GPC6: variants seen among roughly 807,000 people sequenced by gnomAD.
The protein encoded by GPC6 is glypican 6, also known as glypican-6.
GPC6 carries 14 observed loss-of-function variants against 55.2 expected under a neutral mutation model. The observed-to-expected ratio is 0.25, with a 90% CI of 0.17 to 0.40. The LOEUF (loss-of-function observed/expected upper bound fraction) is 0.40. GPC6 is among the 10% of genes least tolerant of loss of function. GPC6 has a pLI of 1.00. For missense variants in GPC6, 641 were observed against 708.5 expected, an observed-to-expected ratio of 0.90 and a Z score of 1.08; for synonymous variants, 278 against 259.6, an observed-to-expected ratio of 1.07 and a Z score of -0.68.
intron 2 of GPC6, among the ~76,000 whole-genome samples, chr13:93,545,754 G>A (rs553082597): frequency 3.3e-5 from 5 of 151,964 alleles, no homozygotes; most frequent in Non-Finnish European, 7.4e-5. Flanking sequence ...TTTCATATGG[G>A]GATTCTCCTT....
intron 3 of GPC6, among the ~76,000 whole-genome samples, chr13:93,841,973 A>G (rs948467367): frequency 2.0e-5 from 3 of 152,212 alleles, no homozygotes; most frequent in Non-Finnish European, 4.4e-5. Flanking sequence ...TTTTTATAGT[A>G]GGTACAAATA....
chr13:93,634,308 G>A (rs112386735), intron 2 of GPC6, among the ~76,000 whole-genome samples: 2 of 152,060 alleles, frequency 1.3e-5, no homozygotes, highest in African/African-American at 4.8e-5. Context: ...TTATGCATTC[G>A]ACCACCTCCT....
intron 3 of GPC6, among the ~76,000 whole-genome samples, chr13:93,969,636 A>T (rs1186885469): frequency 6.6e-6 from 1 of 152,156 alleles, no homozygotes; most frequent in African/African-American, 2.4e-5. Context: ...AGATATACAT[A>T]TAAAATATAC....
intron 2 of GPC6, among the ~76,000 whole-genome samples, chr13:93,814,072 A>G (rs556202508): frequency 5.9e-5 from 9 of 152,266 alleles, no homozygotes; most frequent in African/African-American, 1.9e-4. Flanking sequence ...ATTAGGAGGT[A>G]TCTGCAGGCT....
chr13:94,079,688 A>C (rs557508297), intron 4 of GPC6, among the ~76,000 whole-genome samples: 1 of 152,332 alleles, frequency 6.6e-6, no homozygotes, highest in South Asian at 2.1e-4. Context: ...CATTTCAAAA[A>C]TTGTGAATAA....
At chr13:93,840,742 C>T (rs887503375) in intron 3 of GPC6, among the ~76,000 whole-genome samples, 10 of 152,044 alleles carry the variant, frequency 6.6e-5, no homozygotes, top group Non-Finnish European at 1.5e-4. Context: ...TTCCCTGGGA[C>T]CGTGGAAAAT....
chr13:93,498,398 C>G (rs1880390141), intron 1 of GPC6, among the ~76,000 whole-genome samples: 1 of 152,182 alleles, frequency 6.6e-6, no homozygotes, highest in Non-Finnish European at 1.5e-5. Context: ...CTACAAACAC[C>G]TGAGGATGGC....
intron 1 of GPC6, among the ~76,000 whole-genome samples, chr13:93,370,808 C>G (rs1881421257): frequency 6.6e-6 from 1 of 152,136 alleles, no homozygotes. Flanking sequence ...TATTGTTTAT[C>G]AAACATTTCA....
intron 5 of GPC6, among the ~76,000 whole-genome samples, chr13:94,287,976 C>G (rs1362514301): frequency 2.0e-5 from 3 of 152,152 alleles, no homozygotes; most frequent in Non-Finnish European, 2.9e-5. Flanking sequence ...CATACATTTT[C>G]CAAGTCAAGT....
At chr13:93,555,703 T>C (rs959480844) in intron 2 of GPC6, among the ~76,000 whole-genome samples, 10 of 152,192 alleles carry the variant, frequency 6.6e-5, no homozygotes, top group African/African-American at 2.2e-4. Flanking sequence ...ATTGCAAGTA[T>C]GCACATATGC....
chr13:94,189,137 G>C (rs990722673), intron 4 of GPC6, among the ~76,000 whole-genome samples: 1 of 152,086 alleles, frequency 6.6e-6, no homozygotes, highest in Admixed American at 6.5e-5. Context: ...TCAGGAAACT[G>C]CTTACTCAAT....
At chr13:94,269,796 G>A (rs7989081) in intron 4 of GPC6, among the ~76,000 whole-genome samples, 46,359 of 151,968 alleles carry the variant, frequency 0.31, 8,292 homozygotes, top group African/African-American at 0.5. Context: ...GCTTTACTGC[G>A]CTCCCTCCTA....
chr13:93,442,967 AT>A (rs1320020773), intron 1 of GPC6, among the ~76,000 whole-genome samples: 1 of 152,058 alleles, frequency 6.6e-6, no homozygotes, highest in Non-Finnish European at 1.5e-5. Context: ...TCTTTTGAAG[AT>A]TGCTTTAAGA....
At chr13:93,674,487 C>T (rs1881500927) in intron 2 of GPC6, among the ~76,000 whole-genome samples, 1 of 152,146 alleles carries the variant, frequency 6.6e-6, no homozygotes. Context: ...TTATTAACTA[C>T]AGACCACGCT....
intron 4 of GPC6, among the ~76,000 whole-genome samples, chr13:94,159,113 A>T (rs1426084278): frequency 6.6e-6 from 1 of 152,116 alleles, no homozygotes; most frequent in Non-Finnish European, 1.5e-5. Flanking sequence ...GAAACAAATT[A>T]TAAGTGTCTG....
rs541644408 is a variant in GPC6, at chr13:93,899,098, G to T, written c.711+68553G>T. On this transcript the variant is annotated intron_variant, in intron 3 of 8. Transcript: ENST00000377047. ...GCTTTAATGACTTATGTGCTTTCAT[G>T]ACTTCTGGGCAACCACTCAGATTTA... 1.6e-3 allele frequency among the ~76,000 whole-genome samples: 248 copies of T among 151,652 alleles called. 2 individuals carry two copies. The highest frequency in any genetic ancestry group is 5.5e-3 in the African/African-American group (226 of 41,400).
At chr13:93,328,046 C>G (rs1347270075) in intron 1 of GPC6, among the ~76,000 whole-genome samples, 1 of 151,716 alleles carries the variant, frequency 6.6e-6, no homozygotes, top group Admixed American at 6.6e-5. Flanking sequence ...TTTTTCCTTC[C>G]AAATGATTAC....
chr13:93,971,958 G>T (rs887668651), intron 3 of GPC6, among the ~76,000 whole-genome samples: 3 of 152,166 alleles, frequency 2.0e-5, no homozygotes, highest in African/African-American at 4.8e-5. Context: ...CCAGCGTCAG[G>T]CTAGTGGCAG....
intron 1 of GPC6, among the ~76,000 whole-genome samples, chr13:93,344,724 G>T (rs1476450781): frequency 6.6e-6 from 1 of 152,146 alleles, no homozygotes; most frequent in Non-Finnish European, 1.5e-5. Flanking sequence ...TCACCTCATT[G>T]CTCTTCTGGT....
Sources: gnomAD v4.1 joint callset for allele counts (sites outside exome capture counted in the v4.1 genomes callset) on GRCh38, gnomAD v4.1.1 for gene constraint, MANE v1.5 for transcripts, NCBI Gene and HGNC (gene_info 2026-07-23, HGNC 2026-07-21) for gene names.